Variants in STARD13 observed in about 807,000 individuals in gnomAD.
The protein encoded by STARD13 is StAR related lipid transfer domain containing 13.
A neutral mutation model predicts 106.4 loss-of-function variants in STARD13; 62 were observed. The ratio of observed to expected loss-of-function variants is 0.58; its 90% CI spans 0.48 to 0.72. The LOEUF is 0.72. Ranked by LOEUF, STARD13 falls within the 30% of genes least tolerant of loss-of-function variation. STARD13 has a pLI of 0.00. For missense variants in STARD13, 1,387 were observed against 1,424.0 expected, an observed-to-expected ratio of 0.97 and a Z score of 0.42; for synonymous variants, 565 against 553.0, an observed-to-expected ratio of 1.02 and a Z score of -0.31.
chr13:33,277,797 A>G (rs1005182970), intron 1 of STARD13: 2 of 152,152 alleles, frequency 1.3e-5, no homozygotes, highest in African/African-American at 4.8e-5. Context: ...TCTTGATGTT[A>G]TAATTATTAA....
the STARD13 span, among the ~76,000 whole-genome samples, chr13:33,597,266 G>A: frequency 6.6e-6 from 1 of 151,994 alleles, no homozygotes; most frequent in Admixed American, 6.6e-5. Flanking sequence ...GTTTTGATTG[G>A]CATTTTCCTG....
intron 12 of STARD13, 124 bp downstream of exon 12, chr13:33,109,749 G>T: frequency 1.2e-6 from 1 of 835,952 alleles, no homozygotes. Context: ...AGGGAAACAA[G>T]AGCCGGCTTA....
the STARD13 span, among the ~76,000 whole-genome samples, chr13:33,618,998 G>A: frequency 6.6e-6 from 1 of 151,926 alleles, no homozygotes; most frequent in East Asian, 1.9e-4. Flanking sequence ...AATTCCATGA[G>A]TCCTAAAAGA....
At chr13:33,458,719 G>A in the STARD13 span, among the ~76,000 whole-genome samples, 1 of 151,794 alleles carries the variant, frequency 6.6e-6, no homozygotes, top group Non-Finnish European at 1.5e-5. Context: ...GATTACAAAA[G>A]GGCATCTTCT....
At chr13:33,209,200 G>A (rs1486325931) in intron 1 of STARD13, among the ~76,000 whole-genome samples, 1 of 152,194 alleles carries the variant, frequency 6.6e-6, no homozygotes, top group Non-Finnish European at 1.5e-5. Context: ...ACAACCTAGA[G>A]CTGTGCAGTG....
At chr13:33,642,127 T>C in the STARD13 span, among the ~76,000 whole-genome samples, 2 of 152,272 alleles carry the variant, frequency 1.3e-5, no homozygotes, top group Non-Finnish European at 2.9e-5. Context: ...AAGAGGGTAG[T>C]TGGATGAATG....
chr13:33,343,480 G>C (rs930697523), intron 1 of STARD13, among the ~76,000 whole-genome samples: 3 of 146,532 alleles, frequency 2.0e-5, no homozygotes, highest in African/African-American at 7.5e-5. Context: ...TCGGAAGGCT[G>C]ATGTGGGAGG....
In STARD13 at chr13:33,266,795, A is replaced by T. The variant is rs115609591; in HGVS notation, c.169+18675T>A. Among the ~76,000 whole-genome samples the T allele has an allele frequency of 1.2e-3, 190 of 152,292 alleles. 2 individuals are homozygous for T. Among genetic ancestry groups the T allele is most frequent in the Admixed American group, 3.8e-3 (58 of 15,296 alleles). On this transcript the variant is annotated intron_variant, in intron 1 of 13. Coordinates refer to ENST00000336934, the MANE Select transcript of STARD13 (RefSeq NM_178006.4). ...ATTGTCAATATTTATGACAGTTTAT[A>T]TGTCTTATCACACTTACTTATAATC...
chr13:33,630,498 G>A, the STARD13 span, among the ~76,000 whole-genome samples: 12 of 152,238 alleles, frequency 7.9e-5, no homozygotes, highest in East Asian at 5.8e-4. Context: ...TGTAGATTGC[G>A]TACCTTGCGT....
chr13:33,253,759 A>T (rs879807835), intron 1 of STARD13, among the ~76,000 whole-genome samples: 20 of 152,184 alleles, frequency 1.3e-4, no homozygotes, highest in Admixed American at 6.5e-4. Context: ...GCTCTGATTT[A>T]TAAGCGTATC....
chr13:33,406,685 G>A, the STARD13 span, among the ~76,000 whole-genome samples: 1 of 152,146 alleles, frequency 6.6e-6, no homozygotes. Flanking sequence ...AGAAATACTA[G>A]ACAGCACTTC....
intron 1 of STARD13, among the ~76,000 whole-genome samples, chr13:33,205,397 A>C (rs1318038153): frequency 6.6e-6 from 1 of 152,228 alleles, no homozygotes; most frequent in Non-Finnish European, 1.5e-5. Context: ...GGAATTAAGC[A>C]TGCTAATACA....
intron 1 of STARD13, among the ~76,000 whole-genome samples, chr13:33,199,075 T>C (rs929303697): frequency 6.6e-6 from 1 of 152,254 alleles, no homozygotes; most frequent in Non-Finnish European, 1.5e-5. Context: ...CTTTGTGTTT[T>C]TAAACATACA....
chr13:33,417,576 T>C, the STARD13 span, among the ~76,000 whole-genome samples: 1 of 152,202 alleles, frequency 6.6e-6, no homozygotes, highest in Admixed American at 6.5e-5. Flanking sequence ...TACAATGGAA[T>C]ATTATTCCAG....
chr13:33,290,340 T>C (rs1037191589), upstream of STARD13, among the ~76,000 whole-genome samples: 1 of 152,194 alleles, frequency 6.6e-6, no homozygotes, highest in East Asian at 1.9e-4. Context: ...CCAAAGATTG[T>C]GGGTTGATGT....
chr13:33,458,815 C>CTTTTTTTTT, the STARD13 span, among the ~76,000 whole-genome samples: 1 of 113,502 alleles, frequency 8.8e-6, no homozygotes. Context: ...AACATGTTTA[C>CTTTTTTTTT]TTTTTTTTTT....
At chr13:33,301,887 T>TC (rs34288040) in intron 1 of STARD13, among the ~76,000 whole-genome samples, 101,906 of 151,932 alleles carry the variant, frequency 0.67, 35,576 homozygotes, top group Non-Finnish European at 0.77. Context: ...AGTTTCTTTT[T>TC]TTAGAAAGAC....
At chr13:33,364,751 T>C in the STARD13 span, among the ~76,000 whole-genome samples, 1 of 151,954 alleles carries the variant, frequency 6.6e-6, no homozygotes, top group Non-Finnish European at 1.5e-5. Flanking sequence ...TAGCCAGGCG[T>C]GGTGGCGGGC....
the STARD13 span, among the ~76,000 whole-genome samples, chr13:33,626,675 CCTAAGAAACAT>C: frequency 6.6e-6 from 1 of 152,200 alleles, no homozygotes; most frequent in African/African-American, 2.4e-5. Flanking sequence ...TGGAAGCCAA[CCTAAGAAACAT>C]GTCATCCACT....
Sources: allele counts gnomAD v4.1 joint callset (sites outside exome capture counted in the v4.1 genomes callset), GRCh38; gene constraint gnomAD v4.1.1; transcripts MANE v1.5; gene names NCBI Gene and HGNC (gene_info 2026-07-23, HGNC 2026-07-21).